The following BMP6 variants were observed in gnomAD, a reference collection of about 807,000 sequenced individuals.
The protein encoded by BMP6 is bone morphogenetic protein 6.
Under a neutral mutation model 54.1 loss-of-function variants are expected in BMP6, and 17 were observed. The observed-to-expected ratio is 0.31, with a 90% CI of 0.22 to 0.47. The LOEUF (loss-of-function observed/expected upper bound fraction) is 0.47. Among genes scored for constraint, BMP6 ranks in the 20% least tolerant of loss-of-function variants. The pLI, the probability that BMP6 is intolerant of heterozygous loss-of-function variation, is 1.00. For synonymous variants in BMP6, 328 were observed against 291.2 expected, an observed-to-expected ratio of 1.13 and a Z score of -1.28; for missense variants, 720 against 690.4, an observed-to-expected ratio of 1.04 and a Z score of -0.48.
chr6:7,752,071 C>T (rs1411239213), intron 1 of BMP6, among the ~76,000 whole-genome samples: 3 of 152,196 alleles, frequency 2.0e-5, no homozygotes, highest in Non-Finnish European at 4.4e-5. Context: ...TAATTTTCTA[C>T]CTCCTTAAAA....
At chr6:7,781,455 C>T (rs1757944706) in intron 1 of BMP6, among the ~76,000 whole-genome samples, 2 of 151,476 alleles carry the variant, frequency 1.3e-5, no homozygotes, top group African/African-American at 2.4e-5. Context: ...AAGCACACAG[C>T]AGGCCTGGCT....
Position 7,861,531 on chromosome 6 carries a change from C to T in BMP6, c.938C>T (p.Thr313Ile). ...TGGCTGGAATTTGACATCACGGCCA[C>T]TAGCAATCTGTGGGTTGTGACTCCA... ...EGWLEFDITA[T>I]SNLWVVTPQH... is the part of the protein sequence containing the mutation. The change falls in exon 3 of 7, where the codon ACT becomes ATT. Residue 313 changes from threonine to isoleucine, a missense_variant. Thr to Ile is a moderately conservative substitution (Grantham distance 89). This residue lies in a region of BMP6 where 650 missense variants were observed against 556.3 expected (regional missense o/e 1.17). Transcript: ENST00000283147. The T allele has an allele frequency of 6.2e-7, 1 of 1,614,208 alleles. No homozygotes were observed. The highest frequency in any genetic ancestry group is 1.3e-5 in the African/African-American group (1 of 75,052).
At chr6:7,762,690 T>C (rs1402582059) in intron 1 of BMP6, among the ~76,000 whole-genome samples, 1 of 152,226 alleles carries the variant, frequency 6.6e-6, no homozygotes, top group Non-Finnish European at 1.5e-5. Flanking sequence ...TATATTCTGA[T>C]TAAATAAAAA....
At chr6:7,820,814 A>AG (rs1216566186) in intron 1 of BMP6, among the ~76,000 whole-genome samples, 2 of 151,912 alleles carry the variant, frequency 1.3e-5, no homozygotes, top group Non-Finnish European at 2.9e-5. Flanking sequence ...CCAGGTGGGG[A>AG]GGGGGGTGGT....
intron 2 of BMP6, among the ~76,000 whole-genome samples, chr6:7,857,040 G>A (rs188151181): frequency 2.1e-4 from 32 of 152,278 alleles, no homozygotes; most frequent in African/African-American, 5.8e-4. Flanking sequence ...GCCCTTGTCC[G>A]AGGGCAAAGG....
chr6:7,748,178 G>T (rs1423731121), intron 1 of BMP6, among the ~76,000 whole-genome samples: 1 of 152,100 alleles, frequency 6.6e-6, no homozygotes, highest in Non-Finnish European at 1.5e-5. Flanking sequence ...GGTTTTCGGT[G>T]AGTTTTCCTC....
chr6:7,828,679 T>A (rs1343468193), intron 1 of BMP6, among the ~76,000 whole-genome samples: 3 of 152,258 alleles, frequency 2.0e-5, no homozygotes, highest in African/African-American at 7.2e-5. Context: ...TTCGAGCACT[T>A]GGACTGCATG....
At chr6:7,859,631 C>T (rs1468527321) in intron 2 of BMP6, among the ~76,000 whole-genome samples, 4 of 152,190 alleles carry the variant, frequency 2.6e-5, no homozygotes, top group African/African-American at 7.2e-5. Flanking sequence ...GACTTCAAAG[C>T]CTTGGCCTTC....
chr6:7,880,156 A>C (rs1212754963), intron 6 of BMP6, 38 bp from the exon 7 acceptor site: 14 of 1,614,060 alleles, frequency 8.7e-6, no homozygotes, highest in African/African-American at 1.3e-5. Context: ...ACCAGGTGTC[A>C]TTTCTAAGGT....
At chr6:7,857,909 A>T (rs190025823) in intron 2 of BMP6, among the ~76,000 whole-genome samples, 115 of 152,150 alleles carry the variant, frequency 7.6e-4, no homozygotes, top group African/African-American at 1.9e-3. Flanking sequence ...CATATTAGTG[A>T]TGTTCTCATG....
chr6:7,834,394 A>T (rs188058115), intron 1 of BMP6, among the ~76,000 whole-genome samples: 1 of 152,248 alleles, frequency 6.6e-6, no homozygotes, highest in East Asian at 1.9e-4. Flanking sequence ...ACAGGCACCA[A>T]GTTAGAAAAT....
intron 1 of BMP6, among the ~76,000 whole-genome samples, chr6:7,773,424 G>A (rs1757819025): frequency 6.6e-6 from 1 of 152,208 alleles, no homozygotes; most frequent in African/African-American, 2.4e-5. Context: ...GTTAGGCAGG[G>A]TTCTAGGGAG....
chr6:7,738,885 G>A (rs1286249681), intron 1 of BMP6, among the ~76,000 whole-genome samples: 1 of 152,134 alleles, frequency 6.6e-6, no homozygotes, highest in Non-Finnish European at 1.5e-5. Context: ...CACACAGGAA[G>A]TGCTGTGCAA....
intron 2 of BMP6, among the ~76,000 whole-genome samples, chr6:7,845,849 A>T (rs927346529): frequency 3.3e-5 from 5 of 151,704 alleles, no homozygotes; most frequent in African/African-American, 1.2e-4. Context: ...CCATGTCTGT[A>T]TTACTCTCGT....
At chr6:7,851,330 A>G (rs1458566434) in intron 2 of BMP6, among the ~76,000 whole-genome samples, 1 of 152,118 alleles carries the variant, frequency 6.6e-6, no homozygotes, top group African/African-American at 2.4e-5. Context: ...TATTAGATTA[A>G]TTTTAGGTAT....
At chr6:7,737,927 G>C (rs1581226910) in intron 1 of BMP6, among the ~76,000 whole-genome samples, 1 of 151,844 alleles carries the variant, frequency 6.6e-6, no homozygotes, top group South Asian at 2.1e-4. Flanking sequence ...TTGAATTTGG[G>C]CTCTAGTTCT....
chr6:7,830,654 G>T (rs909556335), intron 1 of BMP6, among the ~76,000 whole-genome samples: 1 of 152,238 alleles, frequency 6.6e-6, no homozygotes. Context: ...TGGACTCACA[G>T]TTCCACATGA....
At chr6:7,740,314 T>C (rs915769779) in intron 1 of BMP6, among the ~76,000 whole-genome samples, 3 of 152,260 alleles carry the variant, frequency 2.0e-5, no homozygotes, top group Middle Eastern at 3.4e-3. Context: ...TGTGGTCCCA[T>C]CCCAGACTCA....
chr6:7,749,065 C>T (rs1757386195), intron 1 of BMP6, among the ~76,000 whole-genome samples: 1 of 152,346 alleles, frequency 6.6e-6, no homozygotes. Context: ...AAGAGCTTAG[C>T]GCTTTCCTGC....
Sources: allele counts gnomAD v4.1 joint callset (sites outside exome capture counted in the v4.1 genomes callset), GRCh38; gene constraint gnomAD v4.1.1; regional missense constraint gnomAD v4.1.1; transcripts MANE v1.5; gene names NCBI Gene and HGNC (gene_info 2026-07-23, HGNC 2026-07-21).